TBC1D8B: variants seen among roughly 807,000 people sequenced by gnomAD.
TBC1D8B encodes TBC1 domain family member 8B, also known as RP11-321G1.1.
Under a neutral mutation model 82.9 loss-of-function variants are expected in TBC1D8B, and 75 were observed. That is an observed-to-expected ratio of 0.90 (90% confidence interval 0.75 to 1.10). The LOEUF is 1.10. TBC1D8B is among the 50% of genes least tolerant of loss of function. The pLI is 0.00. For missense variants in TBC1D8B, 794 were observed against 796.9 expected (o/e 1.00, Z 0.04); for synonymous variants, 276 against 276.8 (o/e 1.00, Z 0.03).
chrX:106,858,589 A>G (rs1932741693), intron 14 of TBC1D8B, among the ~76,000 whole-genome samples: 1 of 111,908 alleles, frequency 8.9e-6, no homozygotes. Flanking sequence ...TAATTTTTTA[A>G]CTTCCTATGG....
chrX:106,866,052 G>GAA lies in TBC1D8B; in HGVS notation c.2662+19_2662+20insAA. ...GCAATTGGTAAGATGATTTTTTTAA[G>GAA]CAAAAAAAAAAGGTGCTCCTAGAAA... On this transcript the variant is annotated intron_variant, in intron 16 of 20. Coordinates refer to ENST00000357242, the MANE Select transcript of TBC1D8B (RefSeq NM_017752.3). 1 of 1,163,012 alleles carries GAA rather than the reference G, an allele frequency of 8.6e-7. No individual in the cohort carries two copies.
intron 19 of TBC1D8B, among the ~76,000 whole-genome samples, chrX:106,870,359 A>C (rs182724724): frequency 1.8e-5 from 2 of 112,447 alleles, no homozygotes; most frequent in African/African-American, 6.5e-5. Flanking sequence ...GCATATTAAG[A>C]ACATAATATA....
chrX:106,850,172 G>A lies in TBC1D8B; in HGVS notation c.1985G>A (p.Ser662Asn). 8.3e-7 allele frequency: 1 copy of A among 1,211,405 alleles called. No individual in the cohort carries two copies. The change falls in exon 12 of 21, where the codon AGT becomes AAT. Residue 662 changes from serine (S) to asparagine (N), a missense_variant. By Grantham distance (46) the Ser-to-Asn change is conservative. Transcript: ENST00000357242. ...TTTATTAGTGTGCTACCTATTGAAA[G>A]TGCAGTGAATGTGGTGGACTGTTTC... ...TLFISVLPIE[S>N]AVNVVDCFFY...
At chrX:106,848,528 T>C (rs1373423300) in intron 11 of TBC1D8B, among the ~76,000 whole-genome samples, 1 of 111,873 alleles carries the variant, frequency 8.9e-6, no homozygotes, top group Non-Finnish European at 1.9e-5. Flanking sequence ...GTTTAATATG[T>C]TGCTTTTAAA....
At chrX:106,817,779 T>C (rs772594803) in intron 1 of TBC1D8B, among the ~76,000 whole-genome samples, 7 of 111,350 alleles carry the variant, frequency 6.3e-5, no homozygotes, top group Admixed American at 9.6e-5. Flanking sequence ...GAGGATTTCA[T>C]AGGGGAAGTG....
intron 1 of TBC1D8B, among the ~76,000 whole-genome samples, chrX:106,816,742 A>G (rs757268045): frequency 1.3e-4 from 15 of 111,278 alleles, no homozygotes; most frequent in Admixed American, 2.9e-4. Flanking sequence ...AAAATTTCTA[A>G]TTGATGCTAT....
intron 7 of TBC1D8B, among the ~76,000 whole-genome samples, chrX:106,837,582 T>C (rs777410797): frequency 9.0e-6 from 1 of 111,447 alleles, no homozygotes; most frequent in African/African-American, 3.2e-5. Flanking sequence ...TCTCATGTAT[T>C]GCTGTTGGGA....
chrX:106,842,319 C>T (rs939766464), intron 10 of TBC1D8B, among the ~76,000 whole-genome samples: 5 of 110,577 alleles, frequency 4.5e-5, no homozygotes, highest in Non-Finnish European at 7.6e-5. Context: ...ATAGGCAGCA[C>T]TTAATATTGA....
At chrX:106,830,458 G>T (rs934720953) in intron 7 of TBC1D8B, among the ~76,000 whole-genome samples, 4 of 111,132 alleles carry the variant, frequency 3.6e-5, no homozygotes, top group African/African-American at 1.3e-4. Context: ...TATACCCAAA[G>T]GACTATAAAT....
At position 106,802,848 on chromosome X, in the gene TBC1D8B, T is replaced by A. The variant is rs373294638; in HGVS notation, c.-6T>A. On this transcript the variant is annotated 5_prime_UTR_variant, in exon 1 of 21. Coordinates refer to ENST00000357242, the MANE Select transcript of TBC1D8B (RefSeq NM_017752.3). Reference sequence around the variant, plus strand: ...GTCACTGCTCCCGGGGGGCACAAAGTTCGCGATGTGGCTGAAGCCTGAGGA... The same window carrying A: ...GTCACTGCTCCCGGGGGGCACAAAGATCGCGATGTGGCTGAAGCCTGAGGA... 39 of 1,208,191 alleles carry A rather than the reference T, an allele frequency of 3.2e-5. No homozygotes were observed. The African/African-American group carries it at 5.1e-4, about 16-fold the overall frequency.
chrX:106,865,963 A>G lies in TBC1D8B; in HGVS notation c.2592A>G (p.Leu864=). ...AHSANKDSLA[L]WTFRLLDENS... ...CTGCAAATAAAGACTCACTAGCTTT[A>G]TGGACATTCAGATTGTTAGATGAAA... is the stretch of plus-strand genomic sequence containing the variant. Residue 864 remains leucine (L), a synonymous_variant, in exon 16 of 21, where the codon TTA becomes TTG. Transcript: ENST00000357242. 1.7e-6 allele frequency: 2 copies of G among 1,209,255 alleles called. No individual in the cohort carries two copies. Among genetic ancestry groups the G allele is most frequent in the South Asian group, 1.8e-5 (1 of 56,805 alleles).
chrX:106,824,364 T>C (rs1381781398), intron 5 of TBC1D8B, among the ~76,000 whole-genome samples: 2 of 111,051 alleles, frequency 1.8e-5, no homozygotes, highest in African/African-American at 3.3e-5. Flanking sequence ...ATAGCCCTCA[T>C]TGGGTACAGT....
Position 106,827,129 on chromosome X carries a change from A to G in TBC1D8B, c.1036-41A>G, listed in dbSNP as rs1931870648. On this transcript the variant is annotated intron_variant, in intron 6 of 20. Coordinates refer to ENST00000357242, the MANE Select transcript of TBC1D8B (RefSeq NM_017752.3). ...CATTTTACTTGAAGGTGTCAACAAT[A>G]AAGGAAAATTTAATTGACCTCTATG... 2.5e-6 allele frequency: 3 copies of G among 1,183,668 alleles called. No individual in the cohort carries two copies. The South Asian group carries it at 5.7e-5, about 22-fold the overall frequency.
chrX:106,854,433 A>G (rs1932655963), intron 14 of TBC1D8B, 137 bp downstream of exon 14: 2 of 363,474 alleles, frequency 5.5e-6, no homozygotes, highest in South Asian at 1.8e-4. Context: ...GGTTTACCCT[A>G]TGGTAAATTC....
chrX:106,815,613 A>T (rs2147726005), intron 1 of TBC1D8B: 1 of 110,214 alleles, frequency 9.1e-6, no homozygotes, highest in East Asian at 2.9e-4. Context: ...TGGGGATGGC[A>T]TTGAATCTAT....
In TBC1D8B at chrX:106,873,856, C is replaced by T. The variant is rs376091106; in HGVS notation, c.3254C>T (p.Ser1085Leu). ...WSFAFEQILA[S>L]LLNEPALVRF... ...TTTGCATTTGAACAGATTCTTGCATCGCTGTTGAATGAACCAGCATTGGTG... is the reference window on the plus strand; with the variant it reads ...TTTGCATTTGAACAGATTCTTGCATTGCTGTTGAATGAACCAGCATTGGTG... The change falls in exon 21 of 21, where the codon TCG (serine) becomes TTG (leucine). Residue 1085 changes from serine (S) to leucine (L), a missense_variant. Physicochemically the swap from Ser to Leu is moderately radical, Grantham distance 145. Coordinates refer to ENST00000357242, the MANE Select transcript of TBC1D8B (RefSeq NM_017752.3). 15 of 1,210,309 alleles carry T rather than the reference C, an allele frequency of 1.2e-5. No homozygotes were observed. Among genetic ancestry groups the T allele is most frequent in the Non-Finnish European group, 1.7e-5 (15 of 895,223 alleles).
chrX:106,841,443 A>G (rs879112336), intron 10 of TBC1D8B, among the ~76,000 whole-genome samples: 1 of 111,489 alleles, frequency 9.0e-6, no homozygotes, highest in Admixed American at 9.6e-5. Context: ...AACGTAAAGT[A>G]TGTATAGGAC....
At chrX:106,836,353 G>A (rs1222473900) in intron 7 of TBC1D8B, among the ~76,000 whole-genome samples, 1 of 111,242 alleles carries the variant, frequency 9.0e-6, no homozygotes, top group African/African-American at 3.3e-5. Context: ...TTGACACATG[G>A]GGATTATTAC....
At position 106,852,808 on chromosome X, in the gene TBC1D8B, T is replaced by G. The variant is rs750487521; in HGVS notation, c.2124-713T>G. ...TTTGGTACCAGTACCATGCTGTTTT[T>G]GTTACTGTAGCCCTGTAGCCTGGTA... is the stretch of plus-strand genomic sequence containing the variant. On this transcript the variant is annotated intron_variant, in intron 12 of 20. Coordinates refer to ENST00000357242, the MANE Select transcript of TBC1D8B (RefSeq NM_017752.3). Among the ~76,000 whole-genome samples, 300 of 111,340 alleles carry G rather than the reference T, an allele frequency of 2.7e-3. 3 individuals are homozygous for G. The highest frequency in any genetic ancestry group is 9.0e-3 in the African/African-American group (275 of 30,650).
Sources: allele counts gnomAD v4.1 joint callset (sites outside exome capture counted in the v4.1 genomes callset), GRCh38; gene constraint gnomAD v4.1.1; transcripts MANE v1.5; gene names NCBI Gene and HGNC (gene_info 2026-07-23, HGNC 2026-07-21).